Variants in C11orf65 observed in about 807,000 individuals in gnomAD.
The protein encoded by C11orf65 is protein MFI.
A neutral mutation model predicts 35.3 loss-of-function variants in C11orf65; 38 were observed. That is an observed-to-expected ratio of 1.08 (90% CI 0.83 to 1.41). The LOEUF (loss-of-function observed/expected upper bound fraction) is 1.41. C11orf65 is among the 40% of genes most tolerant of loss of function. The probability of loss-of-function intolerance (pLI) is 0.00; values close to 1 mark genes in which losing one functional copy is unlikely to be tolerated. For missense variants in C11orf65, 370 were observed against 367.1 expected, an observed-to-expected ratio of 1.01 and a Z score of -0.06; for synonymous variants, 105 against 114.4, an observed-to-expected ratio of 0.92 and a Z score of 0.53.
intron 3 of C11orf65, among the ~76,000 whole-genome samples, chr11:108,421,100 T>TG (rs2092809146): frequency 6.6e-6 from 1 of 152,178 alleles, no homozygotes; most frequent in Non-Finnish European, 1.5e-5. Context: ...CCCCAACACC[T>TG]GGCAAGCACT....
Position 108,318,105 on chromosome 11 carries a change from T to C in C11orf65, c.641-9034A>G, listed in dbSNP as rs567050127. 7.2e-5 allele frequency among the ~76,000 whole-genome samples: 11 copies of C among 152,272 alleles called. No individual in the cohort carries two copies. The South Asian group carries it at 2.3e-3, about 32-fold the overall frequency. ...GGCCAGGCACGGTGGCTCATGCCTA[T>C]AATCCTAGCACTTTGGGAGGCCAAG... On this transcript the variant is annotated intron_variant, in intron 6 of 6. Coordinates refer to the C11orf65 transcript ENST00000525729.
intron 7 of C11orf65, among the ~76,000 whole-genome samples, chr11:108,389,852 G>A (rs1190424348): frequency 2.0e-5 from 3 of 151,112 alleles, no homozygotes; most frequent in Non-Finnish European, 2.9e-5. Context: ...CCACCACCAC[G>A]CCCGGCTAAT....
rs786203764 is a variant in C11orf65, at chr11:108,331,521, G to A, written c.*29C>T. 3.7e-6 allele frequency: 6 copies of A among 1,613,124 alleles called. No individual in the cohort carries two copies. The highest frequency in any genetic ancestry group is 5.1e-6 in the Non-Finnish European group (6 of 1,179,680). ...TGGCTGCTAGAATGGGGACCAAGAT[G>A]ATGGGAGGCCTAGGATTTCATGAAG... On this transcript the variant is annotated 3_prime_UTR_variant, in exon 4 of 4. Coordinates refer to the C11orf65 transcript ENST00000524755.
At position 108,461,511 on chromosome 11, in the gene C11orf65, T is replaced by C. The variant is rs145094239; in HGVS notation, c.49A>G (p.Arg17Gly). The change falls in exon 2 of 9, where the codon AGA (arginine) becomes GGA (glycine). Residue 17 changes from arginine to glycine, a missense_variant. Physicochemically the swap from Arg to Gly is moderately radical, Grantham distance 125. Transcript: ENST00000393084. ...CTTTTCCAGGCCTGCTGAATGACTC[T>C]GGCAGCCTTATCCTGCTTTGTAAAT... ...SEFTKQDKAARVIQQAWKSFL... is the reference protein window; with the variant it reads ...SEFTKQDKAAGVIQQAWKSFL... The C allele has an allele frequency of 1.9e-6, 3 of 1,610,930 alleles. No individual in the cohort carries two copies. The highest frequency in any genetic ancestry group is 2.5e-6 in the Non-Finnish European group (3 of 1,178,764).
intron 2 of C11orf65, among the ~76,000 whole-genome samples, chr11:108,340,662 CTGTT>C (rs2087441311): frequency 1.3e-5 from 2 of 152,146 alleles, no homozygotes; most frequent in Admixed American, 6.5e-5. Flanking sequence ...TTATTAATAA[CTGTT>C]AGAGTGATCC....
chr11:108,396,630 G>A (rs938432308), intron 6 of C11orf65, among the ~76,000 whole-genome samples: 2 of 151,290 alleles, frequency 1.3e-5, no homozygotes, highest in Admixed American at 6.6e-5. Flanking sequence ...AGGAGATTGA[G>A]ACCATCCTGG....
At chr11:108,415,595 A>G (rs2092718266) in intron 3 of C11orf65, among the ~76,000 whole-genome samples, 1 of 152,164 alleles carries the variant, frequency 6.6e-6, no homozygotes, top group African/African-American at 2.4e-5. Flanking sequence ...TATTTTGTGT[A>G]TAAGGACAAA....
At chr11:108,401,901 CT>C (rs1490190827) in intron 6 of C11orf65, among the ~76,000 whole-genome samples, 2 of 152,214 alleles carry the variant, frequency 1.3e-5, no homozygotes, top group Non-Finnish European at 2.9e-5. Flanking sequence ...AACATAATTT[CT>C]GGCCAAAGCA....
Position 108,408,629 on chromosome 11 carries a change from T to C in C11orf65, c.175-1480A>G, listed in dbSNP as rs894961888. ...AGGTGGAGGCTTCAGTGAGCAGAGA[T>C]TGCACCACTGCACTCCAGCCTGGGC... On this transcript the variant is annotated intron_variant, in intron 3 of 8. Coordinates refer to ENST00000393084, the MANE Select transcript of C11orf65 (RefSeq NM_152587.5). 2.7e-5 allele frequency among the ~76,000 whole-genome samples: 4 copies of C among 147,442 alleles called. No individual in the cohort carries two copies. In the South Asian group the frequency reaches 6.4e-4, roughly 23 times the overall value.
Position 108,382,986 on chromosome 11 carries a change from C to T in C11orf65, c.*35G>A, listed in dbSNP as rs1158623591. 1 of 1,607,648 alleles carries T rather than the reference C, an allele frequency of 6.2e-7. No homozygotes were observed. Among genetic ancestry groups the T allele is most frequent in the African/African-American group, 1.3e-5 (1 of 74,676 alleles). ...GGCTATAACTGATGGATGGAAGGCT[C>T]AAAGGGCTATAACTCAGAATAGAAA... On this transcript the variant is annotated 3_prime_UTR_variant, in exon 9 of 9. Transcript: ENST00000393084.
downstream of C11orf65, chr11:108,329,386 T>C (rs1017403682): frequency 5.2e-6 from 4 of 764,470 alleles, no homozygotes; most frequent in Non-Finnish European, 8.4e-6. Flanking sequence ...TCTTGGTCTT[T>C]TGGGTTCTTT....
chr11:108,403,409 G>GTTTTTTTTTTTTTT (rs71047691), intron 6 of C11orf65, among the ~76,000 whole-genome samples: 18 of 67,292 alleles, frequency 2.7e-4, no homozygotes, highest in African/African-American at 4.3e-4. Flanking sequence ...TGTTTGAGAG[G>GTTTTTTTTTTTTTT]TTTTTTTTTT....
chr11:108,341,387 T>C (rs116712378), intron 2 of C11orf65, among the ~76,000 whole-genome samples: 1,878 of 152,230 alleles, frequency 0.012, 47 homozygotes, highest in African/African-American at 0.042. Flanking sequence ...CTTATACTTA[T>C]TATCTAATAT....
At chr11:108,319,992 A>G (rs2085080995) in intron 6 of C11orf65, 2 of 1,612,800 alleles carry the variant, frequency 1.2e-6, no homozygotes, top group Non-Finnish European at 1.7e-6. Context: ...GAATCATTGT[A>G]CAATGCTCTA....
At chr11:108,343,070 G>T (rs2087784721) in intron 2 of C11orf65, 7 of 936,870 alleles carry the variant, frequency 7.5e-6, no homozygotes, top group Non-Finnish European at 1.2e-5. Flanking sequence ...ATTTCCGATT[G>T]GTTTCCTCCA....
At chr11:108,415,346 T>G (rs2092714560) in intron 3 of C11orf65, among the ~76,000 whole-genome samples, 2 of 152,140 alleles carry the variant, frequency 1.3e-5, no homozygotes, top group Admixed American at 1.3e-4. Flanking sequence ...TAAAACACAT[T>G]GTCATTTATA....
At chr11:108,320,205 TCTCTGCCCTCCTTCAAA>T in intron 6 of C11orf65, 1 of 665,964 alleles carries the variant, frequency 1.5e-6, no homozygotes, top group Non-Finnish European at 2.6e-6. Context: ...TCCTTGTAAT[TCTCTGCCCTCCTTCAAA>T]ACAAATTGTT....
intron 6 of C11orf65, among the ~76,000 whole-genome samples, chr11:108,397,968 C>T (rs1413365071): frequency 6.6e-6 from 1 of 152,060 alleles, no homozygotes; most frequent in African/African-American, 2.4e-5. Context: ...TGGGGCACAT[C>T]AAAAGGAAGT....
In C11orf65 at chr11:108,416,991, A is replaced by G. The variant is rs141541204; in HGVS notation, c.175-9842T>C. Among the ~76,000 whole-genome samples, 19 of 152,346 alleles carry G rather than the reference A, an allele frequency of 1.2e-4. 1 individual carries two copies. The East Asian group carries it at 3.7e-3, about 29-fold the overall frequency. ...AATGCAAATCTATATATGATTTCAT[A>G]AGTCAAATATGCATGTTGCAATCTC... On this transcript the variant is annotated intron_variant, in intron 3 of 8. Transcript: ENST00000393084.
Sources: gnomAD v4.1 joint callset for allele counts (sites outside exome capture counted in the v4.1 genomes callset) on GRCh38, gnomAD v4.1.1 for gene constraint, MANE v1.5 for transcripts, NCBI Gene and HGNC (gene_info 2026-07-23, HGNC 2026-07-21) for gene names.